Variants in ARMC2 observed in about 807,000 individuals in gnomAD.
ARMC2 encodes the protein armadillo repeat containing 2.
Under a neutral mutation model 90.3 loss-of-function variants are expected in ARMC2, and 67 were observed. That is an observed-to-expected ratio of 0.74 (90% CI 0.61 to 0.91). The LOEUF (loss-of-function observed/expected upper bound fraction) is 0.91, where lower values mean the gene tolerates loss of function less well. Among genes scored for constraint, ARMC2 ranks in the 40% least tolerant of loss-of-function variants. The pLI is 0.00. For synonymous variants in ARMC2, 393 were observed against 393.0 expected, an observed-to-expected ratio of 1.00 and a Z score of 0.00; for missense variants, 920 against 1,030.9, an observed-to-expected ratio of 0.89 and a Z score of 1.47.
chr6:108,892,048 T>A (rs1771129569), intron 5 of ARMC2, among the ~76,000 whole-genome samples: 1 of 152,210 alleles, frequency 6.6e-6, no homozygotes, highest in African/African-American at 2.4e-5. Context: ...ACCTCATCAC[T>A]GACCATGACT....
intron 5 of ARMC2, among the ~76,000 whole-genome samples, chr6:108,887,219 T>C (rs985445007): frequency 3.3e-5 from 5 of 152,134 alleles, no homozygotes; most frequent in Non-Finnish European, 7.4e-5. Context: ...GCTAATTTTA[T>C]AGTATTTTTA....
At chr6:108,991,287 G>A in the ARMC2 span, among the ~76,000 whole-genome samples, 1 of 152,022 alleles carries the variant, frequency 6.6e-6, no homozygotes, top group Non-Finnish European at 1.5e-5. Context: ...TGTTGTCCAG[G>A]CTAGAGTACA....
At chr6:108,977,926 T>C (rs897610560), downstream of ARMC2, among the ~76,000 whole-genome samples, 5 of 152,192 alleles carry the variant, frequency 3.3e-5, no homozygotes, top group Admixed American at 3.3e-4. Flanking sequence ...TCTATTTATT[T>C]TGTTGATCTT....
At chr6:109,020,663 G>C in the ARMC2 span, among the ~76,000 whole-genome samples, 1 of 152,170 alleles carries the variant, frequency 6.6e-6, no homozygotes, top group Non-Finnish European at 1.5e-5. Flanking sequence ...AGAGGATTTA[G>C]AAGGGATTTT....
intron 12 of ARMC2, among the ~76,000 whole-genome samples, chr6:108,937,447 G>C (rs978722411): frequency 6.6e-6 from 1 of 152,112 alleles, no homozygotes; most frequent in African/African-American, 2.4e-5. Context: ...GACTTCTGAT[G>C]CAAATTAAGG....
intron 12 of ARMC2, among the ~76,000 whole-genome samples, chr6:108,945,417 T>A (rs576998009): frequency 6.6e-6 from 1 of 152,356 alleles, no homozygotes; most frequent in East Asian, 1.9e-4. Flanking sequence ...GCAAAGGTCA[T>A]GATCAAAAAG....
At chr6:108,925,022 A>T (rs1426483275) in intron 10 of ARMC2, among the ~76,000 whole-genome samples, 2 of 152,158 alleles carry the variant, frequency 1.3e-5, no homozygotes, top group Admixed American at 1.3e-4. Context: ...ACAAATACAC[A>T]GAGGCTGGTC....
chr6:108,861,481 AATGTATAGTCC>A (rs1775238069), intron 3 of ARMC2, among the ~76,000 whole-genome samples: 1 of 152,240 alleles, frequency 6.6e-6, no homozygotes, highest in Non-Finnish European at 1.5e-5. Flanking sequence ...AATATCATTT[AATGTATAGTCC>A]ATGTCCAAAT....
intron 3 of ARMC2, among the ~76,000 whole-genome samples, chr6:108,859,976 C>G (rs1775046367): frequency 6.7e-6 from 1 of 149,600 alleles, no homozygotes; most frequent in Admixed American, 6.7e-5. Flanking sequence ...TGCACTCCAG[C>G]CTGGGCGACA....
chr6:108,990,544 GT>G, the ARMC2 span: 1 of 1,050,568 alleles, frequency 9.5e-7, no homozygotes, highest in Non-Finnish European at 1.4e-6. Context: ...GAGGGGATGG[GT>G]TTTGATTATG....
chr6:108,965,230 C>T, intron 17 of ARMC2, 90 bp downstream of exon 17: 1 of 1,132,904 alleles, frequency 8.8e-7, no homozygotes. Context: ...TATTAGTATG[C>T]ATTTAGGTGA....
intron 10 of ARMC2, among the ~76,000 whole-genome samples, chr6:108,917,637 AT>A (rs938631516): frequency 1.3e-5 from 2 of 152,168 alleles, no homozygotes; most frequent in Admixed American, 6.5e-5. Flanking sequence ...CTTTATTTTT[AT>A]TTTTTAAATT....
At chr6:109,025,849 C>T in the ARMC2 span, among the ~76,000 whole-genome samples, 4 of 151,238 alleles carry the variant, frequency 2.6e-5, no homozygotes, top group Admixed American at 2.0e-4. Context: ...AGGTCTAATA[C>T]ATATATAATT....
intron 12 of ARMC2, among the ~76,000 whole-genome samples, chr6:108,941,059 G>C (rs1776397970): frequency 6.6e-6 from 1 of 152,170 alleles, no homozygotes; most frequent in South Asian, 2.1e-4. Flanking sequence ...GTTGCAGTGA[G>C]CCATTGATCA....
At chr6:108,884,157 G>A (rs1023904458) in intron 5 of ARMC2, among the ~76,000 whole-genome samples, 9 of 152,248 alleles carry the variant, frequency 5.9e-5, no homozygotes, top group East Asian at 1.9e-4. Flanking sequence ...TCCGATAAGC[G>A]TTTCCTGGTA....
At chr6:108,968,596 T>A (rs1778542323) in intron 17 of ARMC2, among the ~76,000 whole-genome samples, 1 of 152,196 alleles carries the variant, frequency 6.6e-6, no homozygotes, top group Non-Finnish European at 1.5e-5. Flanking sequence ...GACCGGGTCG[T>A]GGCTGGGTCT....
chr6:108,946,004 C>T (rs1409376774), intron 12 of ARMC2, among the ~76,000 whole-genome samples: 6 of 152,240 alleles, frequency 3.9e-5, no homozygotes, highest in African/African-American at 7.2e-5. Flanking sequence ...ACATTCCCAG[C>T]GGGTGCTGAG....
chr6:108,998,718 G>C, the ARMC2 span: 10 of 1,613,526 alleles, frequency 6.2e-6, no homozygotes, highest in Non-Finnish European at 8.5e-6. Flanking sequence ...TACCAATTCC[G>C]CAAGGGACCA....
intron 3 of ARMC2, among the ~76,000 whole-genome samples, chr6:108,867,702 C>T (rs988276242): frequency 6.6e-6 from 1 of 151,742 alleles, no homozygotes; most frequent in African/African-American, 2.4e-5. Flanking sequence ...ACCTGGGAGG[C>T]GGAGGTTGCG....
Sources: gnomAD v4.1 joint callset for allele counts (sites outside exome capture counted in the v4.1 genomes callset) on GRCh38, gnomAD v4.1.1 for gene constraint, MANE v1.5 for transcripts, NCBI Gene and HGNC (gene_info 2026-07-23, HGNC 2026-07-21) for gene names.